The following PHF20 variants were observed in gnomAD, a reference collection of about 807,000 sequenced individuals.
The protein encoded by PHF20 is PHD finger protein 20.
In PHF20, 23 loss-of-function variants were observed where a neutral mutation model predicts 113.5. The ratio of observed to expected loss-of-function variants is 0.20; its 90% CI spans 0.15 to 0.29. PHF20 has a LOEUF of 0.29. Ranked by LOEUF, PHF20 falls within the 10% of genes least tolerant of loss-of-function variation. The probability of loss-of-function intolerance (pLI) is 1.00; values close to 1 mark genes in which losing one functional copy is unlikely to be tolerated. For missense variants in PHF20, 943 were observed against 1,219.6 expected (o/e 0.77, Z 3.38); for synonymous variants, 434 against 457.3 (o/e 0.95, Z 0.65).
At position 35,899,485 on chromosome 20, in the gene PHF20, C is replaced by T; in HGVS notation, c.1398C>T (p.Ala466=). The part of the protein sequence containing the change: ...VVDCLKFFRK[A]KLLHYHMKYF... ...ACTGTTTAAAATTTTTCCGCAAAGC[C>T]AAACTGTTGCACTATCACATGAAGT... The change falls in exon 10 of 18, where the codon GCC becomes GCT. Residue 466 remains alanine, a synonymous_variant. Coordinates refer to ENST00000374012, the MANE Select transcript of PHF20 (RefSeq NM_016436.5). The T allele has an allele frequency of 6.2e-7, 1 of 1,614,110 alleles. No individual in the cohort carries two copies. Among genetic ancestry groups the T allele is most frequent in the Non-Finnish European group, 8.5e-7 (1 of 1,180,024 alleles).
At chr20:35,845,348 CA>C (rs1387320421) in intron 3 of PHF20, 3 of 344,952 alleles carry the variant, frequency 8.7e-6, no homozygotes, top group Admixed American at 5.7e-5. Flanking sequence ...TGGTGTGCTG[CA>C]CCCATTAACT....
chr20:35,843,011 C>T lies in PHF20; in HGVS notation c.255+267C>T, dbSNP rs549578321. On this transcript the variant is annotated intron_variant, in intron 3 of 17. Coordinates refer to ENST00000374012, the MANE Select transcript of PHF20 (RefSeq NM_016436.5). ...GCAGTCTCCACCTCTCGGGTTCAAGCGATTCTCGTGCCTCAGCCTCCCTAG... is the reference window on the plus strand; with the variant it reads ...GCAGTCTCCACCTCTCGGGTTCAAGTGATTCTCGTGCCTCAGCCTCCCTAG... Among the ~76,000 whole-genome samples, 116 of 152,172 alleles carry T rather than the reference C, an allele frequency of 7.6e-4. 1 individual carries two copies. Among genetic ancestry groups the T allele is most frequent in the African/African-American group, 2.6e-3 (110 of 41,552 alleles).
At chr20:35,828,271 G>A (rs2042298226) in intron 2 of PHF20, among the ~76,000 whole-genome samples, 6 of 152,082 alleles carry the variant, frequency 3.9e-5, no homozygotes, top group South Asian at 2.1e-4. Flanking sequence ...TGATCCGCCC[G>A]CCTTGGCTTC....
At chr20:35,927,393 G>A (rs557932249) in intron 13 of PHF20, among the ~76,000 whole-genome samples, 1 of 152,318 alleles carries the variant, frequency 6.6e-6, no homozygotes, top group South Asian at 2.1e-4. Flanking sequence ...ACAGCCCCAG[G>A]AGGAGGGTAG....
In PHF20 at chr20:35,862,738, CAA is replaced by C. The variant is rs571202216; in HGVS notation, c.421-271_421-270del. ...ACAGAGAGAGACTCTGTCTCAGAAA[CAA>C]AAACAAACAAAAACCCAGAATTTTA... On this transcript the variant is annotated intron_variant, in intron 5 of 17. Coordinates refer to ENST00000374012, the MANE Select transcript of PHF20 (RefSeq NM_016436.5). 3.0e-3 allele frequency among the ~76,000 whole-genome samples: 454 copies of C among 152,098 alleles called. 1 individual carries two copies. The highest frequency in any genetic ancestry group is 0.01 in the African/African-American group (425 of 41,496).
At chr20:35,879,080 C>G (rs141526246) in intron 9 of PHF20, among the ~76,000 whole-genome samples, 1 of 152,328 alleles carries the variant, frequency 6.6e-6, no homozygotes, top group East Asian at 1.9e-4. Context: ...CAGTTTGCTG[C>G]AGAATCTCAC....
At chr20:35,818,460 A>G (rs2042113437) in intron 2 of PHF20, among the ~76,000 whole-genome samples, 1 of 151,970 alleles carries the variant, frequency 6.6e-6, no homozygotes. Flanking sequence ...GGGGTTTGCC[A>G]TGTTGCCCAG....
intron 10 of PHF20, among the ~76,000 whole-genome samples, chr20:35,908,987 A>G (rs1052067066): frequency 4.6e-5 from 7 of 152,058 alleles, no homozygotes; most frequent in Non-Finnish European, 8.8e-5. Flanking sequence ...AGATAGTGTT[A>G]TTTCTTCCAT....
intron 13 of PHF20, among the ~76,000 whole-genome samples, chr20:35,923,034 A>G (rs980761265): frequency 2.0e-5 from 3 of 152,186 alleles, no homozygotes; most frequent in African/African-American, 7.2e-5. Flanking sequence ...TGGATCACTT[A>G]AGCCTGGGCA....
At position 35,801,586 on chromosome 20, in the gene PHF20, C is replaced by T; in HGVS notation, c.64C>T (p.Arg22Trp). ...SFEVGAQLEA[R>W]DRLKNWYPAH... is the part of the protein sequence containing the mutation. ...TGAAGTGGGAGCCCAGTTGGAAGCC[C>T]GGGACCGTTTAAAAAACTGGTACTT... Residue 22 changes from arginine (R) to tryptophan (W), a missense_variant, in exon 2 of 18, where the codon CGG becomes TGG. Around this residue, in one of 3 missense-constraint regions of PHF20, gnomAD observed 592 missense variants for 787.2 expected, o/e 0.75. Transcript: ENST00000374012. The T allele has an allele frequency of 3.1e-6, 5 of 1,612,172 alleles. No homozygotes were observed. Among genetic ancestry groups the T allele is most frequent in the Admixed American group, 1.7e-5 (1 of 59,910 alleles).
At chr20:35,925,063 TTCTC>T (rs1476204102) in intron 13 of PHF20, among the ~76,000 whole-genome samples, 1 of 152,156 alleles carries the variant, frequency 6.6e-6, no homozygotes, top group Non-Finnish European at 1.5e-5. Flanking sequence ...CCTTTTCTGG[TTCTC>T]TCTTTCAGCG....
intron 2 of PHF20, among the ~76,000 whole-genome samples, chr20:35,841,293 A>G (rs2042530911): frequency 6.6e-6 from 1 of 152,108 alleles, no homozygotes; most frequent in Admixed American, 6.6e-5. Context: ...CAGTGAGCCG[A>G]GATCACGCCA....
intron 2 of PHF20, among the ~76,000 whole-genome samples, chr20:35,834,542 C>T (rs74784474): frequency 0.11 from 16,321 of 152,010 alleles, 909 homozygotes; most frequent in South Asian, 0.16. Flanking sequence ...TGAGCCACTG[C>T]GCCCAGCCAG....
At chr20:35,917,241 G>T (rs530611034) in intron 12 of PHF20, 1 of 592,812 alleles carries the variant, frequency 1.7e-6, no homozygotes, top group Non-Finnish European at 3.2e-6. Context: ...AGCCACTGCC[G>T]TTGGGCTTCA....
intron 2 of PHF20, among the ~76,000 whole-genome samples, chr20:35,821,624 A>G (rs950265878): frequency 1.3e-5 from 2 of 151,956 alleles, no homozygotes; most frequent in Admixed American, 1.3e-4. Context: ...GTGCCACTTC[A>G]CTCCATCCCA....
intron 2 of PHF20, among the ~76,000 whole-genome samples, chr20:35,833,050 C>CAAA (rs56997481): frequency 7.2e-5 from 5 of 69,816 alleles, no homozygotes; most frequent in African/African-American, 1.0e-4. Context: ...GACTCCATCT[C>CAAA]AAAAAAAAAA....
intron 2 of PHF20, among the ~76,000 whole-genome samples, chr20:35,813,030 G>A (rs1005342337): frequency 6.6e-6 from 1 of 152,140 alleles, no homozygotes; most frequent in African/African-American, 2.4e-5. Context: ...GCACAGTGGT[G>A]CGATCTTGGC....
chr20:35,801,372 A>G lies in PHF20; in HGVS notation c.-32-119A>G, dbSNP rs1186135194. On this transcript the variant is annotated intron_variant, in intron 1 of 17. Transcript: ENST00000374012. ...CACCTGTGTTAGAATGAGGACACCA[A>G]CAGGGTTTCATGGAGCTTTGTGTTT... The G allele has an allele frequency of 1.1e-5, 6 of 567,734 alleles. No homozygotes were observed. The East Asian group carries it at 1.8e-4, about 17-fold the overall frequency. The allele number at this position is 567,734 out of a possible 1,614,324, so 35.2% of individuals were successfully genotyped here.
chr20:35,781,338 T>A (rs1050320984), intron 1 of PHF20, among the ~76,000 whole-genome samples: 2 of 150,246 alleles, frequency 1.3e-5, no homozygotes, highest in Non-Finnish European at 3.0e-5. Context: ...GAGACGGGTT[T>A]CACCGTATTA....
Sources: gnomAD v4.1 joint callset for allele counts (sites outside exome capture counted in the v4.1 genomes callset) on GRCh38, gnomAD v4.1.1 for gene constraint, gnomAD v4.1.1 regional missense constraint, MANE v1.5 for transcripts, NCBI Gene and HGNC (gene_info 2026-07-23, HGNC 2026-07-21) for gene names.